The following ELAVL4 variants were observed in gnomAD, a reference collection of about 807,000 sequenced individuals.
ELAVL4 encodes the protein ELAV-like protein 4.
Under a neutral mutation model 35.6 loss-of-function variants are expected in ELAVL4, and 1 was observed. The ratio of observed to expected loss-of-function variants is 0.03; its 90% CI spans 0.01 to 0.13. ELAVL4 has a LOEUF of 0.13. Among genes scored for constraint, ELAVL4 ranks in the 10% least tolerant of loss-of-function variants. The pLI, the probability that ELAVL4 is intolerant of heterozygous loss-of-function variation, is 1.00. For synonymous variants in ELAVL4, 156 were observed against 171.0 expected (o/e 0.91, Z 0.69); for missense variants, 267 against 464.9 (o/e 0.57, Z 3.91).
At chr1:50,080,634 A>C (rs994710712) in intron 1 of ELAVL4, among the ~76,000 whole-genome samples, 11 of 152,154 alleles carry the variant, frequency 7.2e-5, no homozygotes, top group African/African-American at 2.7e-4. Context: ...ATGTTCCCTA[A>C]ATATGCCAGA....
upstream of ELAVL4, among the ~76,000 whole-genome samples, chr1:50,102,135 A>C (rs1666011070): frequency 6.6e-6 from 1 of 151,966 alleles, no homozygotes; most frequent in South Asian, 2.1e-4. Context: ...AAAATACAAA[A>C]AATTAGCCGG....
chr1:50,111,669 TC>T (rs2148540659), intron 1 of ELAVL4, among the ~76,000 whole-genome samples: 1 of 152,252 alleles, frequency 6.6e-6, no homozygotes, highest in Admixed American at 6.5e-5. Flanking sequence ...ACCACTGCCT[TC>T]CATTTGGCAT....
intron 3 of ELAVL4, among the ~76,000 whole-genome samples, chr1:50,191,351 C>T (rs1466328051): frequency 6.6e-6 from 1 of 152,088 alleles, no homozygotes; most frequent in African/African-American, 2.4e-5. Flanking sequence ...GAAATATGTC[C>T]CTTAGCTCTT....
intron 6 of ELAVL4, 86 bp from the exon 7 acceptor site, chr1:50,200,765 G>T: frequency 6.4e-7 from 1 of 1,556,072 alleles, no homozygotes; most frequent in Non-Finnish European, 8.7e-7. Context: ...TCAGCCCTCT[G>T]CCCCATGTCT....
At chr1:50,074,413 C>T (rs1185436431) in intron 1 of ELAVL4, among the ~76,000 whole-genome samples, 2 of 152,126 alleles carry the variant, frequency 1.3e-5, no homozygotes, top group Non-Finnish European at 2.9e-5. Context: ...TAATTGCTAC[C>T]ATTTACTGAG....
intron 1 of ELAVL4, among the ~76,000 whole-genome samples, chr1:50,131,920 G>A (rs1670926917): frequency 6.6e-6 from 1 of 150,830 alleles, no homozygotes; most frequent in African/African-American, 2.4e-5. Context: ...TTTGCAGTGA[G>A]GTCCCATGCT....
chr1:50,176,949 C>G (rs1680142092), intron 2 of ELAVL4, 140 bp from the exon 3 acceptor site: 1 of 630,152 alleles, frequency 1.6e-6, no homozygotes. Context: ...GTAAGAGGAA[C>G]TGTATACCAA....
intron 1 of ELAVL4, among the ~76,000 whole-genome samples, chr1:50,118,847 A>AT (rs1010683969): frequency 4.0e-5 from 6 of 150,838 alleles, no homozygotes; most frequent in African/African-American, 1.5e-4. Flanking sequence ...AGGGAAGTCG[A>AT]TTTTTTTCTT....
At chr1:50,101,007 A>G (rs1353692325), upstream of ELAVL4, among the ~76,000 whole-genome samples, 3 of 151,690 alleles carry the variant, frequency 2.0e-5, no homozygotes, top group Non-Finnish European at 4.4e-5. Flanking sequence ...TTTTCTGGCA[A>G]CAAACTATAA....
chr1:50,173,521 C>G (rs1679417411), intron 2 of ELAVL4, among the ~76,000 whole-genome samples: 1 of 152,180 alleles, frequency 6.6e-6, no homozygotes, highest in African/African-American at 2.4e-5. Context: ...TTCACACATG[C>G]CTGCTGGACA....
chr1:50,171,433 TAAC>T (rs1678988210), intron 2 of ELAVL4, among the ~76,000 whole-genome samples: 1 of 152,182 alleles, frequency 6.6e-6, no homozygotes, highest in South Asian at 2.1e-4. Context: ...ACAGATTATT[TAAC>T]ATTTCTCAAG....
intron 1 of ELAVL4, among the ~76,000 whole-genome samples, chr1:50,117,293 G>A (rs1042016320): frequency 5.9e-5 from 9 of 152,060 alleles, no homozygotes; most frequent in African/African-American, 1.9e-4. Flanking sequence ...CTGTACACAC[G>A]TAGAAAAATT....
At chr1:50,109,544 G>A in intron 1 of ELAVL4, 1 of 356,288 alleles carries the variant, frequency 2.8e-6, no homozygotes, top group Non-Finnish European at 5.1e-6. Flanking sequence ...GGGAGAGGGG[G>A]TTTGTCTACG....
At chr1:50,140,021 T>C (rs1672555159) in intron 1 of ELAVL4, among the ~76,000 whole-genome samples, 1 of 152,168 alleles carries the variant, frequency 6.6e-6, no homozygotes, top group Admixed American at 6.5e-5. Context: ...TTAAAATATA[T>C]CACAGAAACA....
chr1:50,168,703 A>T (rs1295621242), intron 2 of ELAVL4, among the ~76,000 whole-genome samples: 1 of 152,078 alleles, frequency 6.6e-6, no homozygotes, highest in Non-Finnish European at 1.5e-5. Flanking sequence ...CAGGAGTATC[A>T]AATTCATTTA....
At position 50,156,746 on chromosome 1, in the gene ELAVL4, G is replaced by A. The variant is rs532239194; in HGVS notation, c.250+11549G>A. Among the ~76,000 whole-genome samples the A allele has an allele frequency of 7.9e-5, 12 of 152,274 alleles. No homozygotes were observed. In the East Asian group the frequency reaches 2.3e-3, roughly 29 times the overall value. ...GCCTAAGGTCACACAGCAAGCAAGT[G>A]GCCAAGCCGGCTGCATACCCATGTC... is the stretch of plus-strand genomic sequence containing the variant. On this transcript the variant is annotated intron_variant, in intron 2 of 6. Transcript: ENST00000371824.
intron 1 of ELAVL4, among the ~76,000 whole-genome samples, chr1:50,115,511 A>G (rs1160180531): frequency 6.6e-6 from 1 of 151,864 alleles, no homozygotes; most frequent in African/African-American, 2.4e-5. Flanking sequence ...TAACATGTAA[A>G]CTTTAGCTTA....
rs549788745 is a variant in ELAVL4, at chr1:50,083,136, A to C, written c.18+34954A>C. On this transcript the variant is annotated intron_variant, in intron 1 of 6. Coordinates refer to the ELAVL4 transcript ENST00000448907. The stretch of plus-strand genomic sequence containing the variant: ...CATTGGCATGATCATAATGCCCTGT[A>C]GCCTCAAACTCCTGGGCTCAAGTGA... Among the ~76,000 whole-genome samples, 122 of 152,290 alleles carry C rather than the reference A, an allele frequency of 8.0e-4. 1 individual carries two copies. Among genetic ancestry groups the C allele is most frequent in the African/African-American group, 2.9e-3 (119 of 41,576 alleles).
chr1:50,130,374 T>A (rs965642468), intron 1 of ELAVL4, among the ~76,000 whole-genome samples: 1 of 152,166 alleles, frequency 6.6e-6, no homozygotes, highest in Non-Finnish European at 1.5e-5. Flanking sequence ...TACTCCATCA[T>A]GTGTAGAGTG....
Sources: allele counts gnomAD v4.1 joint callset (sites outside exome capture counted in the v4.1 genomes callset), GRCh38; gene constraint gnomAD v4.1.1; transcripts MANE v1.5; gene names NCBI Gene and HGNC (gene_info 2026-07-23, HGNC 2026-07-21).